The following PNPLA3 variants were observed in gnomAD, a reference collection of about 807,000 sequenced individuals.
PNPLA3 encodes 1-acylglycerol-3-phosphate O-acyltransferase PNPLA3.
A neutral mutation model predicts 43.1 loss-of-function variants in PNPLA3; 42 were observed. The ratio of observed to expected loss-of-function variants is 0.97; its 90% confidence interval spans 0.76 to 1.26. PNPLA3 has a LOEUF of 1.26. Among genes scored for constraint, PNPLA3 ranks in the 50% most tolerant of loss-of-function variants. PNPLA3 has a pLI of 0.00. For synonymous variants in PNPLA3, 272 were observed against 253.6 expected, an observed-to-expected ratio of 1.07 and a Z score of -0.69; for missense variants, 647 against 621.4, an observed-to-expected ratio of 1.04 and a Z score of -0.44.
intron 5 of PNPLA3, among the ~76,000 whole-genome samples, chr22:43,935,490 C>G (rs1334244609): frequency 6.6e-6 from 1 of 151,962 alleles, no homozygotes; most frequent in Non-Finnish European, 1.5e-5. Context: ...ACACAGGATG[C>G]TGGAGGCTCA....
intron 7 of PNPLA3, among the ~76,000 whole-genome samples, chr22:43,940,431 C>T (rs2050023987): frequency 6.6e-6 from 1 of 152,216 alleles, no homozygotes; most frequent in African/African-American, 2.4e-5. Context: ...CTTGGGGTCA[C>T]TGCTCTGAGG....
intron 3 of PNPLA3, among the ~76,000 whole-genome samples, chr22:43,929,975 C>A (rs5764034): frequency 0.29 from 43,589 of 152,020 alleles, 7,602 homozygotes; most frequent in Non-Finnish European, 0.4. Context: ...TTTTGTTTTG[C>A]CACTTTGTGA....
At chr22:43,931,113 C>T (rs572294517) in intron 3 of PNPLA3, among the ~76,000 whole-genome samples, 7 of 152,174 alleles carry the variant, frequency 4.6e-5, no homozygotes, top group Non-Finnish European at 8.8e-5. Context: ...GGCAACAAAG[C>T]GAGACTCCGT....
intron 3 of PNPLA3, among the ~76,000 whole-genome samples, chr22:43,930,554 T>C (rs2049955349): frequency 1.3e-5 from 2 of 152,218 alleles, no homozygotes; most frequent in African/African-American, 4.8e-5. Context: ...TGATGCTCTC[T>C]GGCTCCCCAG....
chr22:43,924,367 C>G (rs1370971594), intron 1 of PNPLA3: 7 of 454,878 alleles, frequency 1.5e-5, no homozygotes, highest in Non-Finnish European at 2.7e-5. Flanking sequence ...ATCAGGCGCC[C>G]GTGCATGAAG....
chr22:43,932,697 C>T (rs2049969066), intron 3 of PNPLA3, among the ~76,000 whole-genome samples, 181 bp from the exon 4 acceptor site: 1 of 152,208 alleles, frequency 6.6e-6, no homozygotes, highest in Admixed American at 6.5e-5. Flanking sequence ...AGAGCCTGTC[C>T]TAGCACCGGA....
chr22:43,923,843 T>A lies in PNPLA3; in HGVS notation c.-69T>A. On this transcript the variant is annotated 5_prime_UTR_variant, in exon 1 of 9. Coordinates refer to ENST00000216180, the MANE Select transcript of PNPLA3 (RefSeq NM_025225.3). ...GGGCGCCGGGCGGAGCTGCTGCGGA[T>A]CAGGACCCGAGCCGATTCCCGATCC... is the stretch of plus-strand genomic sequence containing the variant. The A allele has an allele frequency of 7.2e-7, 1 of 1,391,244 alleles. No individual in the cohort carries two copies. Among genetic ancestry groups the A allele is most frequent in the Admixed American group, 3.0e-5 (1 of 33,470 alleles). The allele number at this position is 1,391,244 out of a possible 1,614,324, so 86.2% of individuals were successfully genotyped here. A position where few individuals can be genotyped will look rare whatever the true frequency, so the allele number is the denominator to read the frequency against.
intron 7 of PNPLA3, among the ~76,000 whole-genome samples, chr22:43,943,544 C>T (rs2050044465): frequency 6.6e-6 from 1 of 152,130 alleles, no homozygotes; most frequent in African/African-American, 2.4e-5. Context: ...GCCTGGGGTC[C>T]AGTAATCTGT....
intron 1 of PNPLA3, 28 bp from the exon 2 acceptor site, chr22:43,926,907 C>G (rs761130906): frequency 6.9e-6 from 11 of 1,593,430 alleles, no homozygotes; most frequent in South Asian, 1.1e-5. Flanking sequence ...GTGGTACATT[C>G]TTTCATGTAT....
At position 43,946,492 on chromosome 22, in the gene PNPLA3, G is replaced by C; in HGVS notation, c.*110G>C. 4.6e-6 allele frequency: 5 copies of C among 1,093,396 alleles called. No individual in the cohort carries two copies. Among genetic ancestry groups the C allele is most frequent in the Non-Finnish European group, 6.9e-6 (5 of 726,260 alleles). The allele number at this position is 1,093,396 out of a possible 1,614,324, so 67.7% of individuals were successfully genotyped here. On this transcript the variant is annotated 3_prime_UTR_variant, in exon 9 of 9. Coordinates refer to ENST00000216180, the MANE Select transcript of PNPLA3 (RefSeq NM_025225.3). ...TAGTGACCCCTGCCTGTGACGTGGA[G>C]GATCCCAGCCTCTGAGCTGAGTTGG...
Position 43,923,899 on chromosome 22 carries a change from C to G in PNPLA3, c.-13C>G. 1 of 1,478,252 alleles carries G rather than the reference C, an allele frequency of 6.8e-7. No individual in the cohort carries two copies. The highest frequency in any genetic ancestry group is 8.9e-7 in the Non-Finnish European group (1 of 1,118,954). 91.6% of individuals were successfully genotyped at this position (1,478,252 alleles called of 1,614,324 possible). A position where few individuals can be genotyped will look rare whatever the true frequency, so the allele number is the denominator to read the frequency against. Reference sequence around the variant, plus strand: ...CAGATCCTAACCCGCGCCCCCGCCCCGCCGCCGCCGCCATGTACGACGCAG... The same window carrying G: ...CAGATCCTAACCCGCGCCCCCGCCCGGCCGCCGCCGCCATGTACGACGCAG... On this transcript the variant is annotated 5_prime_UTR_variant, in exon 1 of 9. Coordinates refer to ENST00000216180, the MANE Select transcript of PNPLA3 (RefSeq NM_025225.3).
intron 3 of PNPLA3, among the ~76,000 whole-genome samples, chr22:43,930,859 T>A (rs2049957201): frequency 6.6e-6 from 1 of 152,048 alleles, no homozygotes; most frequent in African/African-American, 2.4e-5. Context: ...CAGAAGACAG[T>A]TTGGGTTGTC....
In PNPLA3 at chr22:43,944,678, C is replaced by A. The variant is rs1210459867; in HGVS notation, c.1113-13C>A. 1 of 1,611,932 alleles carries A rather than the reference C, an allele frequency of 6.2e-7. No individual in the cohort carries two copies. The highest frequency in any genetic ancestry group is 8.5e-7 in the Non-Finnish European group (1 of 1,177,982). ...CTATGTGTGTGTTTGTGTACTTGGT[C>A]TCATCTCTGCAGACTGGTGACATGG... On this transcript the variant is annotated splice_polypyrimidine_tract_variant and intron_variant, in intron 7 of 8. Transcript: ENST00000216180.
At chr22:43,944,552 G>T (rs1035247912) in intron 7 of PNPLA3, 139 bp from the exon 8 acceptor site, 1 of 686,508 alleles carries the variant, frequency 1.5e-6, no homozygotes, top group African/African-American at 1.8e-5. Context: ...GCTTGTCCTT[G>T]TCCTAGCATC....
At chr22:43,928,516 C>T (rs2049939759) in intron 2 of PNPLA3, among the ~76,000 whole-genome samples, 2 of 151,936 alleles carry the variant, frequency 1.3e-5, no homozygotes, top group South Asian at 4.2e-4. Context: ...TAGCCCCTTT[C>T]AGTCCATGAG....
At chr22:43,927,827 C>T (rs996840647) in intron 2 of PNPLA3, among the ~76,000 whole-genome samples, 3 of 152,088 alleles carry the variant, frequency 2.0e-5, no homozygotes, top group Admixed American at 2.0e-4. Context: ...CAGGCTGGTC[C>T]CAAACTCCTG....
At chr22:43,925,490 C>T (rs2049916248) in intron 1 of PNPLA3, among the ~76,000 whole-genome samples, 1 of 152,054 alleles carries the variant, frequency 6.6e-6, no homozygotes, top group Non-Finnish European at 1.5e-5. Context: ...CCATTAGCCC[C>T]CTTTTATCTG....
intron 6 of PNPLA3, among the ~76,000 whole-genome samples, chr22:43,938,225 A>T (rs2050008604): frequency 6.6e-6 from 1 of 152,210 alleles, no homozygotes; most frequent in Non-Finnish European, 1.5e-5. Flanking sequence ...AGAAGAACCC[A>T]CAAACCAGCT....
intron 6 of PNPLA3, among the ~76,000 whole-genome samples, chr22:43,938,223 C>T (rs960975260): frequency 6.6e-6 from 1 of 152,138 alleles, no homozygotes; most frequent in Non-Finnish European, 1.5e-5. Context: ...ACAGAAGAAC[C>T]CACAAACCAG....
Sources: gnomAD v4.1 joint callset for allele counts (sites outside exome capture counted in the v4.1 genomes callset) on GRCh38, gnomAD v4.1.1 for gene constraint, MANE v1.5 for transcripts, NCBI Gene and HGNC (gene_info 2026-07-23, HGNC 2026-07-21) for gene names.